The following GRIP2 variants were observed in gnomAD, a reference collection of about 807,000 sequenced individuals.
The protein encoded by GRIP2 is glutamate receptor-interacting protein 2.
In GRIP2, 58 loss-of-function variants were observed where a neutral mutation model predicts 108.3. That is an observed-to-expected ratio of 0.54 (90% CI 0.43 to 0.67). The LOEUF is 0.67. Ranked by LOEUF, GRIP2 falls within the 30% of genes least tolerant of loss-of-function variation. The pLI is 0.00. For missense variants in GRIP2, 1,278 were observed against 1,430.6 expected, an observed-to-expected ratio of 0.89 and a Z score of 1.72; for synonymous variants, 586 against 598.2, an observed-to-expected ratio of 0.98 and a Z score of 0.30.
chr3:14,516,606 T>C (rs2124904843), intron 11 of GRIP2, among the ~76,000 whole-genome samples: 2 of 152,350 alleles, frequency 1.3e-5, no homozygotes, highest in South Asian at 2.1e-4. Flanking sequence ...TGGAAATTAT[T>C]ACATTCTGGA....
intron 10 of GRIP2, among the ~76,000 whole-genome samples, 194 bp from the exon 11 acceptor site, chr3:14,517,407 C>T (rs1489161477): frequency 6.7e-6 from 1 of 149,882 alleles, no homozygotes; most frequent in Non-Finnish European, 1.5e-5. Context: ...TTTCCATAGA[C>T]CCTGTGAAAC....
At chr3:14,526,843 A>T (rs946042030) in intron 1 of GRIP2, among the ~76,000 whole-genome samples, 1 of 152,206 alleles carries the variant, frequency 6.6e-6, no homozygotes, top group East Asian at 1.9e-4. Context: ...TGATGCAGAG[A>T]TTCTCAAAAT....
chr3:14,496,870 C>CTT (rs555812595), intron 21 of GRIP2, among the ~76,000 whole-genome samples: 1 of 152,048 alleles, frequency 6.6e-6, no homozygotes, highest in African/African-American at 2.4e-5. Flanking sequence ...GTAAATACCA[C>CTT]TTTTTTCCAC....
chr3:14,570,564 C>G, the GRIP2 span, among the ~76,000 whole-genome samples: 1 of 152,214 alleles, frequency 6.6e-6, no homozygotes, highest in Non-Finnish European at 1.5e-5. Context: ...ATTTGAGAAC[C>G]AATGGTTAAA....
At chr3:14,602,706 G>T in the GRIP2 span, among the ~76,000 whole-genome samples, 1 of 151,866 alleles carries the variant, frequency 6.6e-6, no homozygotes, top group South Asian at 2.1e-4. The surrounding 1 kb of genome is among the most constrained non-coding windows in gnomAD (Gnocchi z 4.7). Context: ...GGCTTTCCGG[G>T]ACCAGGCTCC....
At chr3:14,592,037 A>G in the GRIP2 span, among the ~76,000 whole-genome samples, 2 of 152,260 alleles carry the variant, frequency 1.3e-5, no homozygotes, top group Non-Finnish European at 2.9e-5. Flanking sequence ...TACCCAAAAA[A>G]GTCTAATGAT....
chr3:14,498,320 AG>A (rs1460300283), intron 21 of GRIP2, among the ~76,000 whole-genome samples: 1 of 152,102 alleles, frequency 6.6e-6, no homozygotes. Flanking sequence ...ATTATTAGCC[AG>A]GTGTGGTGAT....
At chr3:14,545,775 C>A (rs1488714928), upstream of GRIP2, among the ~76,000 whole-genome samples, 1 of 152,222 alleles carries the variant, frequency 6.6e-6, no homozygotes, top group African/African-American at 2.4e-5. Flanking sequence ...AGATGGCCAG[C>A]CTGATCATGG....
the GRIP2 span, among the ~76,000 whole-genome samples, chr3:14,574,984 A>T: frequency 2.0e-5 from 3 of 152,338 alleles, 1 homozygote; most frequent in Middle Eastern, 0.01. Context: ...TAAGGTGATA[A>T]CACCATAAAG....
the GRIP2 span, among the ~76,000 whole-genome samples, chr3:14,600,898 T>C: frequency 2.6e-5 from 4 of 152,194 alleles, no homozygotes; most frequent in African/African-American, 4.8e-5. Context: ...GAGGAAGGCA[T>C]TGGCCTTCTC....
rs563606450 is a variant in GRIP2 at position 14,504,879 on chromosome 3, C to T, written c.2573+736G>A. ...GTCTGAGCACCTACTAGGGGCCACGCGTGGAGCTGGGGTGCCACGCAGTAG... is the reference window on the plus strand; with the variant it reads ...GTCTGAGCACCTACTAGGGGCCACGTGTGGAGCTGGGGTGCCACGCAGTAG... On this transcript the variant is annotated intron_variant, in intron 20 of 23. Coordinates refer to ENST00000621039, the MANE Select transcript of GRIP2 (RefSeq NM_001080423.4). Among the ~76,000 whole-genome samples, 102 of 152,146 alleles carry T rather than the reference C, an allele frequency of 6.7e-4. 1 individual carries two copies. The highest frequency in any genetic ancestry group is 2.0e-3 in the African/African-American group (82 of 41,432).
chr3:14,509,603 T>G (rs1402905021), intron 17 of GRIP2, among the ~76,000 whole-genome samples: 1 of 152,260 alleles, frequency 6.6e-6, no homozygotes, highest in African/African-American at 2.4e-5. Flanking sequence ...CCAGGAGGTC[T>G]GCTGGGGTGT....
the GRIP2 span, chr3:14,573,721 A>G: frequency 2.1e-6 from 3 of 1,432,806 alleles, no homozygotes; most frequent in South Asian, 1.1e-5. Context: ...TCTTCTGGCC[A>G]CTCACGGGGG....
chr3:14,549,365 G>T (rs1054671217), intron 1 of GRIP2, among the ~76,000 whole-genome samples: 3 of 152,174 alleles, frequency 2.0e-5, no homozygotes, highest in African/African-American at 7.2e-5. Context: ...TGTTATCCCA[G>T]CTGCAGCCTG....
upstream of GRIP2, among the ~76,000 whole-genome samples, chr3:14,558,334 C>G (rs1278317051): frequency 6.6e-6 from 1 of 152,160 alleles, no homozygotes; most frequent in Non-Finnish European, 1.5e-5. Context: ...GGCCGAGCCC[C>G]GCCTGGCTGG....
At chr3:14,591,001 C>T in the GRIP2 span, among the ~76,000 whole-genome samples, 2 of 152,238 alleles carry the variant, frequency 1.3e-5, no homozygotes, top group Non-Finnish European at 2.9e-5. Context: ...TCTCTGCCCT[C>T]CACAATCTGG....
In GRIP2 at chr3:14,494,900, C is replaced by G. The variant is rs1206543432; in HGVS notation, c.2913G>C (p.Val971=). 1 of 1,613,898 alleles carries G rather than the reference C, an allele frequency of 6.2e-7. No homozygotes were observed. Among genetic ancestry groups the G allele is most frequent in the Admixed American group, 1.7e-5 (1 of 60,010 alleles). Residue 971 remains valine, a synonymous_variant, in exon 23 of 24, where the codon GTG becomes GTC. Coordinates refer to ENST00000621039, the MANE Select transcript of GRIP2 (RefSeq NM_001080423.4). ...LLEKGVYVHT[V]RPDGPAHRGG... is the part of the protein sequence containing the mutation. ...CACGGTGGGCTGGCCCATCAGGGCG[C>G]ACAGTGTGGACATAGACACCTTTTT...
chr3:14,516,651 G>C (rs1370041621), intron 11 of GRIP2, among the ~76,000 whole-genome samples: 1 of 152,112 alleles, frequency 6.6e-6, no homozygotes, highest in African/African-American at 2.4e-5. Context: ...TTGTCTTAGG[G>C]GAAATTAACA....
chr3:14,567,120 C>T, the GRIP2 span, among the ~76,000 whole-genome samples: 1 of 152,282 alleles, frequency 6.6e-6, no homozygotes, highest in Non-Finnish European at 1.5e-5. Context: ...TTGAGGCCAG[C>T]TGGAGCATTC....
Sources: gnomAD v4.1 joint callset for allele counts (sites outside exome capture counted in the v4.1 genomes callset) on GRCh38, gnomAD v4.1.1 for gene constraint, Gnocchi (gnomAD v3.1) non-coding constraint, MANE v1.5 for transcripts, NCBI Gene and HGNC (gene_info 2026-07-23, HGNC 2026-07-21) for gene names.